The following COX10 variants were observed in gnomAD, a reference collection of about 807,000 sequenced individuals.
COX10 encodes protoheme IX farnesyltransferase, mitochondrial.
A neutral mutation model predicts 37.3 loss-of-function variants in COX10; 27 were observed. That is an observed-to-expected ratio of 0.72 (90% CI 0.53 to 1.00). COX10 has a LOEUF of 1.00. COX10 is among the 50% of genes least tolerant of loss of function. The pLI, the probability that COX10 is intolerant of heterozygous loss-of-function variation, is 0.00. For synonymous variants in COX10, 222 were observed against 229.1 expected (o/e 0.97, Z 0.28); for missense variants, 475 against 563.2 (o/e 0.84, Z 1.59).
rs182607468 is a variant in COX10, at chr17:14,116,601, T to C, written c.624+14359T>C. Among the ~76,000 whole-genome samples the C allele has an allele frequency of 5.9e-5, 9 of 152,212 alleles. No homozygotes were observed. In the East Asian group the frequency reaches 1.7e-3, roughly 29 times the overall value. ...AGTCATCAATGACTCCTGGTTTCTC[T>C]CAAACCCCACATTCATGCCATCAGG... On this transcript the variant is annotated intron_variant, in intron 4 of 6. Transcript: ENST00000261643.
In COX10 at chr17:14,077,009, A is replaced by G. The variant is rs771779082; in HGVS notation, c.452A>G (p.Tyr151Cys). Residue 151 changes from tyrosine (Y) to cysteine (C), a missense_variant, in exon 3 of 7, where the codon TAT (tyrosine) becomes TGT (cysteine). By Grantham distance (194) the Tyr-to-Cys change is radical. This residue lies in a region of COX10 where 242 missense variants were observed against 242.5 expected (regional missense o/e 1.00). Transcript: ENST00000261643. ...KRWKEMKLQV[Y>C]DLPGILARLS... ...TGGAAAGAGATGAAGCTGCAAGTGTATGATTTGCCAGGAATTTTGGCTCGA... is the reference window on the plus strand; with the variant it reads ...TGGAAAGAGATGAAGCTGCAAGTGTGTGATTTGCCAGGAATTTTGGCTCGA... 12 of 1,614,066 alleles carry G rather than the reference A, an allele frequency of 7.4e-6. No homozygotes were observed. The highest frequency in any genetic ancestry group is 2.7e-5 in the African/African-American group (2 of 74,930).
chr17:14,145,097 A>G (rs577655668), intron 4 of COX10, among the ~76,000 whole-genome samples: 2 of 151,560 alleles, frequency 1.3e-5, no homozygotes, highest in South Asian at 2.1e-4. Flanking sequence ...TGATAGTAGG[A>G]AAAGGAGGGA....
At chr17:14,167,349 A>G (rs1905321288) in intron 5 of COX10, among the ~76,000 whole-genome samples, 1 of 152,234 alleles carries the variant, frequency 6.6e-6, no homozygotes, top group African/African-American at 2.4e-5. Flanking sequence ...TGAAATGAAA[A>G]CAAAGGATTT....
Position 14,148,191 on chromosome 17 carries a change from T to C in COX10, c.625-11686T>C, listed in dbSNP as rs138319777. ...GGAGAACATTGCCCCAGTCACCACA[T>C]TGGGTGAAAAGCCACTTCTGATGAA... On this transcript the variant is annotated intron_variant, in intron 4 of 6. Transcript: ENST00000261643. 3.7e-3 allele frequency among the ~76,000 whole-genome samples: 565 copies of C among 152,240 alleles called. 2 individuals are homozygous for C. Among genetic ancestry groups the C allele is most frequent in the Non-Finnish European group, 3.7e-3 (254 of 67,996 alleles).
At chr17:14,180,515 A>G (rs536597738) in intron 5 of COX10, among the ~76,000 whole-genome samples, 36 of 152,196 alleles carry the variant, frequency 2.4e-4, no homozygotes, top group Non-Finnish European at 4.6e-4. Context: ...TTCTCTCATC[A>G]TGAGAAAAAA....
At chr17:14,084,631 C>T (rs1915368974) in intron 3 of COX10, among the ~76,000 whole-genome samples, 1 of 152,108 alleles carries the variant, frequency 6.6e-6, no homozygotes, top group Non-Finnish European at 1.5e-5. Context: ...ACATAATATA[C>T]AGAAAGTCCC....
At chr17:14,171,447 G>A (rs950187395) in intron 5 of COX10, among the ~76,000 whole-genome samples, 2 of 151,520 alleles carry the variant, frequency 1.3e-5, no homozygotes, top group African/African-American at 2.4e-5. Flanking sequence ...GTCTTGTGGG[G>A]TTCTGAGTCA....
rs1916118835 is a variant in COX10, at chr17:14,116,653, G to A, written c.624+14411G>A. On this transcript the variant is annotated intron_variant, in intron 4 of 6. Transcript: ENST00000261643. ...AATTATGCTGATTGTGTGCATGCATGTACACACACACACACACACACACGT... is the reference window on the plus strand; with the variant it reads ...AATTATGCTGATTGTGTGCATGCATATACACACACACACACACACACACGT... Among the ~76,000 whole-genome samples, 4 of 68,116 alleles carry A rather than the reference G, an allele frequency of 5.9e-5. No homozygotes were observed. In the South Asian group the frequency reaches 3.2e-3, roughly 55 times the overall value. 44.7% of individuals were successfully genotyped at this position (68,116 alleles called of 152,430 possible). A position where few individuals can be genotyped will look rare whatever the true frequency, so the allele number is the denominator to read the frequency against.
chr17:14,179,074 ATTC>A (rs1449690765), intron 5 of COX10: 1 of 164,762 alleles, frequency 6.1e-6, no homozygotes, highest in East Asian at 1.9e-4. Context: ...ATTATGTCAA[ATTC>A]TTTCTGTGTG....
At chr17:14,155,750 G>A (rs72816671) in intron 4 of COX10, among the ~76,000 whole-genome samples, 20,898 of 151,638 alleles carry the variant, frequency 0.14, 2,040 homozygotes, top group East Asian at 0.4. Context: ...ACAAAAGATA[G>A]GAGAGTGAAC....
chr17:14,108,258 T>C (rs758958160), intron 4 of COX10, among the ~76,000 whole-genome samples: 7 of 152,188 alleles, frequency 4.6e-5, no homozygotes, highest in Non-Finnish European at 8.8e-5. Context: ...TTGTGCTATA[T>C]GCCAAAGAAT....
At chr17:14,196,733 C>T (rs2529628) in intron 6 of COX10, among the ~76,000 whole-genome samples, 151,468 of 152,286 alleles carry the variant, frequency 0.99, 75,339 homozygotes, top group Middle Eastern at 1. Flanking sequence ...TACTACTTCC[C>T]CTCCTCCACT....
intron 3 of COX10, chr17:14,077,310 T>C: frequency 2.2e-6 from 1 of 459,518 alleles, no homozygotes; most frequent in East Asian, 4.2e-5. Flanking sequence ...AAGTTGAATG[T>C]TTATCCTGCT....
chr17:14,161,757 C>T (rs1230987117), intron 5 of COX10, among the ~76,000 whole-genome samples: 1 of 152,212 alleles, frequency 6.6e-6, no homozygotes, highest in Non-Finnish European at 1.5e-5. Context: ...CCAGGACATA[C>T]ACCAGGAGCC....
At chr17:14,168,026 A>G (rs2142245659) in intron 5 of COX10, among the ~76,000 whole-genome samples, 1 of 152,346 alleles carries the variant, frequency 6.6e-6, no homozygotes, top group Admixed American at 6.5e-5. Context: ...CAAGGGAAAT[A>G]AATCCCTTTC....
chr17:14,186,690 G>A (rs1906038733), intron 5 of COX10, among the ~76,000 whole-genome samples: 1 of 151,784 alleles, frequency 6.6e-6, no homozygotes, highest in African/African-American at 2.4e-5. Context: ...TTTGCATAAT[G>A]GAGTAAACTG....
intron 4 of COX10, among the ~76,000 whole-genome samples, chr17:14,102,816 C>T (rs1012243671): frequency 2.6e-5 from 4 of 151,986 alleles, no homozygotes; most frequent in African/African-American, 9.7e-5. Context: ...CCCATCTAGT[C>T]ACTGTGGTCT....
intron 4 of COX10, among the ~76,000 whole-genome samples, chr17:14,133,690 G>T (rs911194708): frequency 6.6e-6 from 1 of 151,574 alleles, no homozygotes; most frequent in African/African-American, 2.4e-5. Flanking sequence ...AAAAGAGTTT[G>T]CTAGATGTTA....
At chr17:14,112,745 G>A (rs1048465330) in intron 4 of COX10, among the ~76,000 whole-genome samples, 1 of 152,082 alleles carries the variant, frequency 6.6e-6, no homozygotes, top group Non-Finnish European at 1.5e-5. Flanking sequence ...GCATGTGATA[G>A]GGGAACTTTC....
Sources: allele counts gnomAD v4.1 joint callset (sites outside exome capture counted in the v4.1 genomes callset), GRCh38; gene constraint gnomAD v4.1.1; regional missense constraint gnomAD v4.1.1; transcripts MANE v1.5; gene names NCBI Gene and HGNC (gene_info 2026-07-23, HGNC 2026-07-21).